Variants in ANK2 observed in about 807,000 individuals in gnomAD.
The protein encoded by ANK2 is ankyrin 2.
A neutral mutation model predicts 360.5 loss-of-function variants in ANK2; 83 were observed. The observed-to-expected ratio is 0.23, with a 90% confidence interval of 0.19 to 0.28. The LOEUF (loss-of-function observed/expected upper bound fraction) is 0.28, where lower values mean the gene tolerates loss of function less well. Ranked by LOEUF, ANK2 falls within the 10% of genes least tolerant of loss-of-function variation. The pLI is 1.00. For missense variants in ANK2, 4,201 were observed against 4,795.7 expected (o/e 0.88, Z 3.66); for synonymous variants, 1,740 against 1,759.5 (o/e 0.99, Z 0.28).
chr4:113,152,091 A>G (rs142070506), intron 1 of ANK2, among the ~76,000 whole-genome samples: 2 of 78,484 alleles, frequency 2.5e-5, no homozygotes, highest in Admixed American at 2.4e-4. Flanking sequence ...AAAAAAAAAA[A>G]AAAGAAAAAA....
chr4:113,169,221 A>G (rs931500945), intron 1 of ANK2, among the ~76,000 whole-genome samples: 1 of 152,256 alleles, frequency 6.6e-6, no homozygotes, highest in Middle Eastern at 3.4e-3. Context: ...TATAAAGTAC[A>G]TTTATTTTTT....
At chr4:113,039,771 G>A (rs1377127520) in intron 2 of ANK2, among the ~76,000 whole-genome samples, 1 of 151,916 alleles carries the variant, frequency 6.6e-6, no homozygotes, top group Non-Finnish European at 1.5e-5. Context: ...GTAGGAGCTG[G>A]ATACAATGGT....
At chr4:112,829,780 C>G (rs1291699220) in intron 1 of ANK2, among the ~76,000 whole-genome samples, 1 of 151,744 alleles carries the variant, frequency 6.6e-6, no homozygotes, top group African/African-American at 2.4e-5. Flanking sequence ...ATGGTGAAAC[C>G]CCGTCTGTAC....
intron 1 of ANK2, among the ~76,000 whole-genome samples, chr4:112,864,434 C>T (rs2069420564): frequency 1.3e-5 from 2 of 151,962 alleles, no homozygotes; most frequent in African/African-American, 4.8e-5. Flanking sequence ...CTCAGCTTCC[C>T]GAGTAGCTGG....
At chr4:112,862,010 G>C (rs770659732) in intron 1 of ANK2, among the ~76,000 whole-genome samples, 1 of 152,200 alleles carries the variant, frequency 6.6e-6, no homozygotes, top group Non-Finnish European at 1.5e-5. Flanking sequence ...GTGCCATACT[G>C]ACTGAGTGCC....
intron 13 of ANK2, among the ~76,000 whole-genome samples, chr4:113,260,655 A>G (rs2052330134): frequency 6.6e-6 from 1 of 152,216 alleles, no homozygotes; most frequent in African/African-American, 2.4e-5. Context: ...AAGACATAGT[A>G]AAATAATTAT....
chr4:113,099,720 A>G (rs2092468147), intron 1 of ANK2, among the ~76,000 whole-genome samples: 1 of 152,066 alleles, frequency 6.6e-6, no homozygotes, highest in African/African-American at 2.4e-5. Flanking sequence ...TACCCAACTT[A>G]AGACAATATA....
intron 1 of ANK2, among the ~76,000 whole-genome samples, chr4:112,888,002 C>T (rs2078899312): frequency 6.6e-6 from 1 of 151,976 alleles, no homozygotes; most frequent in African/African-American, 2.4e-5. Context: ...CAAGAAAAGC[C>T]TGCAGAGTTT....
At chr4:112,792,960 C>T in the ANK2 span, among the ~76,000 whole-genome samples, 1 of 152,126 alleles carries the variant, frequency 6.6e-6, no homozygotes, top group Non-Finnish European at 1.5e-5. Flanking sequence ...TTAAACCTCC[C>T]ATCTGCTACC....
intron 32 of ANK2, among the ~76,000 whole-genome samples, chr4:113,340,371 C>T (rs2094128566): frequency 6.6e-6 from 1 of 152,156 alleles, no homozygotes; most frequent in South Asian, 2.1e-4. Flanking sequence ...GGGATAGCAA[C>T]AATTATCCAT....
chr4:113,268,930 A>G (rs1465852847), intron 14 of ANK2, among the ~76,000 whole-genome samples: 1 of 152,078 alleles, frequency 6.6e-6, no homozygotes, highest in Admixed American at 6.6e-5. Flanking sequence ...AGAACTTGTT[A>G]TTGGTCTATT....
intron 2 of ANK2, among the ~76,000 whole-genome samples, chr4:113,032,346 A>G (rs572303852): frequency 1.3e-5 from 2 of 152,042 alleles, no homozygotes; most frequent in South Asian, 4.2e-4. Flanking sequence ...CTGTGTGGAG[A>G]GCCAAGGAAG....
chr4:113,030,684 C>G (rs1237254102), intron 2 of ANK2, among the ~76,000 whole-genome samples: 1 of 151,840 alleles, frequency 6.6e-6, no homozygotes, highest in East Asian at 1.9e-4. Flanking sequence ...ATCATGATGA[C>G]TATGGCTTAT....
At chr4:113,181,319 G>A (rs538933022) in intron 2 of ANK2, among the ~76,000 whole-genome samples, 13 of 152,196 alleles carry the variant, frequency 8.5e-5, no homozygotes, top group Admixed American at 2.0e-4. Context: ...ATGGCTAAGC[G>A]ACATGGATTT....
the ANK2 span, among the ~76,000 whole-genome samples, chr4:112,781,351 T>G: frequency 6.6e-6 from 1 of 152,138 alleles, no homozygotes; most frequent in African/African-American, 2.4e-5. Flanking sequence ...CTGCCTACCT[T>G]GGCCTCCCAA....
At chr4:113,107,514 G>A (rs1233947325) in intron 1 of ANK2, among the ~76,000 whole-genome samples, 2 of 152,176 alleles carry the variant, frequency 1.3e-5, no homozygotes, top group African/African-American at 4.8e-5. Context: ...ACCGCGCCCA[G>A]CCAGTGTTGG....
At chr4:112,972,787 C>T (rs1273990223) in intron 2 of ANK2, among the ~76,000 whole-genome samples, 1 of 151,910 alleles carries the variant, frequency 6.6e-6, no homozygotes, top group Non-Finnish European at 1.5e-5. Context: ...CATTGACCAA[C>T]GAGTGGATAA....
chr4:113,014,781 A>G lies in ANK2; in HGVS notation c.21+110267A>G, dbSNP rs146569202. On this transcript the variant is annotated intron_variant, in intron 2 of 30. Transcript: ENST00000503271. ...TTCAGTCATATAGTGTTCTTAATAT[A>G]TAGGAGCCAATAATCTCATCATATT... Among the ~76,000 whole-genome samples, 1,237 of 148,958 alleles carry G rather than the reference A, an allele frequency of 8.3e-3. 4 individuals carry two copies. The highest frequency in any genetic ancestry group is 0.021 in the Middle Eastern group (6 of 286).
intron 2 of ANK2, among the ~76,000 whole-genome samples, chr4:113,001,457 T>C (rs1020060261): frequency 2.0e-5 from 3 of 152,164 alleles, no homozygotes; most frequent in African/African-American, 7.2e-5. Flanking sequence ...GGTTGACATA[T>C]TCTTGAATAT....
Sources: allele counts gnomAD v4.1 joint callset (sites outside exome capture counted in the v4.1 genomes callset), GRCh38; gene constraint gnomAD v4.1.1; transcripts MANE v1.5; gene names NCBI Gene and HGNC (gene_info 2026-07-23, HGNC 2026-07-21).